The following BCL2 variants were observed in gnomAD, a reference collection of about 807,000 sequenced individuals.
The protein encoded by BCL2 is apoptosis regulator Bcl-2.
A neutral mutation model predicts 14.2 loss-of-function variants in BCL2; 1 was observed. The observed-to-expected ratio is 0.07, with a 90% CI of 0.02 to 0.33. BCL2 has a LOEUF of 0.33. BCL2 is among the 10% of genes least tolerant of loss of function. BCL2 has a pLI of 0.99. For synonymous variants in BCL2, 151 were observed against 137.2 expected, an observed-to-expected ratio of 1.10 and a Z score of -0.70; for missense variants, 247 against 305.9, an observed-to-expected ratio of 0.81 and a Z score of 1.44.
chr18:63,199,479 AAC>A (rs202141396), intron 2 of BCL2, among the ~76,000 whole-genome samples: 2,337 of 151,230 alleles, frequency 0.015, 23 homozygotes, highest in South Asian at 0.02. Context: ...GCACATAGAC[AAC>A]ACACACAGAG....
At chr18:63,314,108 T>C (rs1913419591) in intron 2 of BCL2, 1 of 152,214 alleles carries the variant, frequency 6.6e-6, no homozygotes, top group Non-Finnish European at 1.5e-5. Flanking sequence ...ATAGTGTGTT[T>C]TTCTCTACTA....
chr18:63,247,220 A>T (rs1911174844), intron 2 of BCL2, among the ~76,000 whole-genome samples: 1 of 147,992 alleles, frequency 6.8e-6, no homozygotes, highest in South Asian at 2.1e-4. Context: ...TTTTTTTGAG[A>T]CGAAGTTTTA....
rs146285817 is a variant in BCL2 at position 63,224,684 on chromosome 18, A to AG, written c.585+93397dup. Among the ~76,000 whole-genome samples, 503 of 152,286 alleles carry AG rather than the reference A, an allele frequency of 3.3e-3. 2 individuals are homozygous for AG. Among genetic ancestry groups the AG allele is most frequent in the African/African-American group, 0.012 (479 of 41,550 alleles). Reference sequence around the variant, plus strand: ...GAGCCACAGAAATGAGAGAGTGTAAAGGGAGTTTTATGAGAACTAACACAG... The same window carrying AG: ...GAGCCACAGAAATGAGAGAGTGTAAAGGGGAGTTTTATGAGAACTAACACAG... On this transcript the variant is annotated intron_variant, in intron 2 of 2. Coordinates refer to ENST00000333681, the MANE Select transcript of BCL2 (RefSeq NM_000633.3).
At chr18:63,213,782 G>C (rs2144677578) in intron 2 of BCL2, among the ~76,000 whole-genome samples, 2 of 152,214 alleles carry the variant, frequency 1.3e-5, no homozygotes, top group Admixed American at 1.3e-4. Flanking sequence ...TGCTTGGTGA[G>C]ACCCTGACCA....
At chr18:63,287,722 G>T (rs1912516079) in intron 2 of BCL2, among the ~76,000 whole-genome samples, 1 of 152,106 alleles carries the variant, frequency 6.6e-6, no homozygotes, top group African/African-American at 2.4e-5. Flanking sequence ...GGAATGAGAG[G>T]TTGAATTAGA....
chr18:63,317,854 C>T (rs966206650), intron 2 of BCL2: 13 of 1,406,604 alleles, frequency 9.2e-6, no homozygotes, highest in Non-Finnish European at 1.2e-5. Flanking sequence ...CTTTGGATCT[C>T]CACGACTAGC....
chr18:63,230,959 ATTTC>A (rs1910672467), intron 2 of BCL2, among the ~76,000 whole-genome samples: 1 of 152,020 alleles, frequency 6.6e-6, no homozygotes, highest in African/African-American at 2.4e-5. Context: ...AATATATAGT[ATTTC>A]TTTAATATAC....
intron 2 of BCL2, among the ~76,000 whole-genome samples, chr18:63,213,104 G>C (rs1910092346): frequency 1.3e-5 from 2 of 152,200 alleles, no homozygotes; most frequent in South Asian, 2.1e-4. Context: ...GCCGATTCCT[G>C]CTGGTTCTCT....
At chr18:63,169,317 T>A (rs1915144719) in intron 2 of BCL2, among the ~76,000 whole-genome samples, 2 of 77,088 alleles carry the variant, frequency 2.6e-5, no homozygotes, top group African/African-American at 1.7e-4. Context: ...TCTTCCTTCC[T>A]TCCTTCTTTC....
intron 2 of BCL2, among the ~76,000 whole-genome samples, chr18:63,294,704 A>G (rs754592668): frequency 6.6e-6 from 1 of 152,056 alleles, no homozygotes; most frequent in Non-Finnish European, 1.5e-5. Context: ...TTAAATTCTT[A>G]TGTCATTCAT....
intron 2 of BCL2, among the ~76,000 whole-genome samples, chr18:63,200,553 T>C (rs1466557489): frequency 2.0e-5 from 3 of 152,216 alleles, no homozygotes. Flanking sequence ...CTCCCGCGTA[T>C]AAGACAGTCA....
intron 2 of BCL2, among the ~76,000 whole-genome samples, chr18:63,243,042 T>A (rs1294051455): frequency 6.6e-6 from 1 of 152,176 alleles, no homozygotes; most frequent in African/African-American, 2.4e-5. Context: ...AATCACTGAA[T>A]ATGAAGTGCA....
intron 2 of BCL2, among the ~76,000 whole-genome samples, chr18:63,289,602 A>G (rs1016079324): frequency 1.3e-5 from 2 of 152,106 alleles, no homozygotes; most frequent in Non-Finnish European, 2.9e-5. Flanking sequence ...GGAAAAGAGG[A>G]GCCTTAAAAT....
chr18:63,189,704 C>G (rs994486198), intron 2 of BCL2, among the ~76,000 whole-genome samples: 4 of 118,944 alleles, frequency 3.4e-5, no homozygotes, highest in Non-Finnish European at 5.1e-5. Context: ...TCCCACCCCC[C>G]ACCCACCGCA....
Position 63,253,909 on chromosome 18 carries a change from CT to C in BCL2, c.585+64172del, listed in dbSNP as rs34470267. Among the ~76,000 whole-genome samples the C allele has an allele frequency of 1.0e-3, 150 of 144,714 alleles. 1 individual carries two copies. The highest frequency in any genetic ancestry group is 3.6e-3 in the Middle Eastern group (1 of 276). 94.9% of individuals were successfully genotyped at this position (144,714 alleles called of 152,430 possible). A position where few individuals can be genotyped will look rare whatever the true frequency, so the allele number is the denominator to read the frequency against. ...AGTTCCAAAAACTGCTGAATGTTGTCTTTTTTTTTTTTCCACCCTACTAAGC... is the reference window on the plus strand; with the variant it reads ...AGTTCCAAAAACTGCTGAATGTTGTCTTTTTTTTTTTCCACCCTACTAAGC... On this transcript the variant is annotated intron_variant, in intron 2 of 2. Transcript: ENST00000333681.
At chr18:63,202,564 C>T (rs1224715656) in intron 2 of BCL2, among the ~76,000 whole-genome samples, 3 of 152,168 alleles carry the variant, frequency 2.0e-5, no homozygotes, top group East Asian at 1.9e-4. Flanking sequence ...GTAAAAGACA[C>T]GCTGTTAGAT....
chr18:63,285,418 A>G (rs1912442645), intron 2 of BCL2, among the ~76,000 whole-genome samples: 1 of 152,186 alleles, frequency 6.6e-6, no homozygotes, highest in South Asian at 2.1e-4. Flanking sequence ...TGGGAACGGA[A>G]GGGGACCTTG....
Position 63,127,978 on chromosome 18 carries a change from C to G in BCL2, c.*647G>C, listed in dbSNP as rs1191505924. On this transcript the variant is annotated 3_prime_UTR_variant, in exon 3 of 3. Coordinates refer to ENST00000333681, the MANE Select transcript of BCL2 (RefSeq NM_000633.3). Reference sequence around the variant, plus strand: ...TTCGGCGTGGAAATCTCAGTGGGTACTAGGTCCATCTGAAGTTCCCAACTC... The same window carrying G: ...TTCGGCGTGGAAATCTCAGTGGGTAGTAGGTCCATCTGAAGTTCCCAACTC... 4.4e-6 allele frequency: 1 copy of G among 225,164 alleles called. No homozygotes were observed. The highest frequency in any genetic ancestry group is 2.2e-5 in the African/African-American group (1 of 44,806). 13.9% of individuals were successfully genotyped at this position (225,164 alleles called of 1,614,324 possible). A position where few individuals can be genotyped will look rare whatever the true frequency, so the allele number is the denominator to read the frequency against.
Position 63,259,287 on chromosome 18 carries a change from G to A in BCL2, c.585+58795C>T, listed in dbSNP as rs575358050. Among the ~76,000 whole-genome samples the A allele has an allele frequency of 3.9e-4, 59 of 152,396 alleles. No individual in the cohort carries two copies. In the South Asian group the frequency reaches 8.3e-3, roughly 21 times the overall value. The stretch of plus-strand genomic sequence containing the variant: ...CCAGCCCCCATCACAGAAAGAAAGC[G>A]GGCAGCGTGTAAGTGTCCCAAGCAT... On this transcript the variant is annotated intron_variant, in intron 2 of 2. Transcript: ENST00000333681.
Sources: gnomAD v4.1 joint callset for allele counts (sites outside exome capture counted in the v4.1 genomes callset) on GRCh38, gnomAD v4.1.1 for gene constraint, MANE v1.5 for transcripts, NCBI Gene and HGNC (gene_info 2026-07-23, HGNC 2026-07-21) for gene names.